DNHD1: variants seen among roughly 807,000 people sequenced by gnomAD.
The protein encoded by DNHD1 is dynein heavy chain domain 1.
Under a neutral mutation model 458.1 loss-of-function variants are expected in DNHD1, and 383 were observed. That is an observed-to-expected ratio of 0.84 (90% CI 0.77 to 0.91). The LOEUF is 0.91. Among genes scored for constraint, DNHD1 ranks in the 40% least tolerant of loss-of-function variants. The pLI, the probability that DNHD1 is intolerant of heterozygous loss-of-function variation, is 0.00. For synonymous variants in DNHD1, 2,203 were observed against 2,376.9 expected (o/e 0.93, Z 2.13); for missense variants, 5,336 against 5,866.1 (o/e 0.91, Z 2.95).
At position 6,563,550 on chromosome 11, in the gene DNHD1, GAGGATTTTTATC is replaced by G; in HGVS notation, c.9842_9852+1del. 2 of 1,551,658 alleles carry G rather than the reference GAGGATTTTTATC, an allele frequency of 1.3e-6. No homozygotes were observed. Among genetic ancestry groups the G allele is most frequent in the Non-Finnish European group, 1.7e-6 (2 of 1,146,986 alleles). On this transcript the variant is annotated inframe_deletion and splice_region_variant, in exon 30 of 43. Transcript: ENST00000254579. ...CAGTGCCAAACAGCTGTTATGCACT[GAGGATTTTTATC>G]AGGTAGGAAGGGTGGAGCACAATGA...
At chr11:6,511,145 A>T in intron 6 of DNHD1, 128 bp from the exon 7 acceptor site, 1 of 1,268,976 alleles carries the variant, frequency 7.9e-7, no homozygotes, top group Non-Finnish European at 1.1e-6. Flanking sequence ...ACTATTGGTC[A>T]CTGTTGGTAA....
Position 6,570,646 on chromosome 11 carries a change from G to C in DNHD1, c.13134G>C (p.Glu4378Asp), listed in dbSNP as rs1853823420. 1 of 1,611,038 alleles carries C rather than the reference G, an allele frequency of 6.2e-7. No individual in the cohort carries two copies. Among genetic ancestry groups the C allele is most frequent in the Non-Finnish European group, 8.5e-7 (1 of 1,178,750 alleles). The change falls in exon 42 of 43, where the codon GAG becomes GAC. Residue 4378 changes from glutamate to aspartate, a missense_variant. Physicochemically the swap from Glu to Asp is conservative, Grantham distance 45 (BLOSUM62 2). Transcript: ENST00000254579. ...PELRELDAMA[E>D]CKAQMHLLPS... is the part of the protein sequence containing the mutation. ...TAAGGGAGCTGGATGCAATGGCAGAGTGCAAGGCCCAGATGCACCTACTGC... is the reference window on the plus strand; with the variant it reads ...TAAGGGAGCTGGATGCAATGGCAGACTGCAAGGCCCAGATGCACCTACTGC...
At chr11:6,506,501 C>T (rs775659251) in intron 4 of DNHD1, among the ~76,000 whole-genome samples, 14 of 152,084 alleles carry the variant, frequency 9.2e-5, no homozygotes, top group Non-Finnish European at 1.9e-4. Context: ...TTCTAGTGCA[C>T]CATCAATAGA....
intron 24 of DNHD1, among the ~76,000 whole-genome samples, chr11:6,553,962 A>AT (rs34067184): frequency 0.44 from 66,355 of 151,358 alleles, 14,611 homozygotes; most frequent in Middle Eastern, 0.46. Context: ...ATCTTAACAG[A>AT]TTTTTTTTTG....
intron 24 of DNHD1, among the ~76,000 whole-genome samples, chr11:6,555,605 C>A (rs530159947): frequency 2.6e-5 from 4 of 152,248 alleles, no homozygotes; most frequent in African/African-American, 9.6e-5. Flanking sequence ...AAAAATACTA[C>A]TCAGGAATAA....
chr11:6,508,839 C>T (rs371864238), intron 4 of DNHD1, 41 bp from the exon 5 acceptor site: 50 of 1,603,240 alleles, frequency 3.1e-5, no homozygotes, highest in South Asian at 1.2e-4. Flanking sequence ...AGTCTGACCA[C>T]GTTCCCAGGG....
chr11:6,541,307 T>G (rs977978544), intron 18 of DNHD1, among the ~76,000 whole-genome samples: 1 of 152,226 alleles, frequency 6.6e-6, no homozygotes, highest in African/African-American at 2.4e-5. Context: ...AAACAGCAAC[T>G]TTCCCCCCAC....
rs531101984 is a variant in DNHD1 at position 6,529,221 on chromosome 11, A to G, written c.2347+100A>G. On this transcript the variant is annotated intron_variant, in intron 12 of 42. Coordinates refer to ENST00000254579, the MANE Select transcript of DNHD1 (RefSeq NM_144666.3). Reference sequence around the variant, plus strand: ...AATGTCCTCCGGAGACCTTCGGTGCAGGCCTCTTATTGGACCTATGAAGCC... The same window carrying G: ...AATGTCCTCCGGAGACCTTCGGTGCGGGCCTCTTATTGGACCTATGAAGCC... 12 of 1,339,922 alleles carry G rather than the reference A, an allele frequency of 9.0e-6. 1 individual carries two copies. The African/African-American group carries it at 1.6e-4, about 18-fold the overall frequency. The allele number at this position is 1,339,922 out of a possible 1,614,324, so 83.0% of individuals were successfully genotyped here.
In DNHD1 at chr11:6,566,908, C is replaced by T. The variant is rs1277600879; in HGVS notation, c.11399C>T (p.Thr3800Met). The change falls in exon 36 of 43, where the codon ACG becomes ATG. Residue 3800 changes from threonine (T) to methionine (M), a missense_variant. By Grantham distance (81) the Thr-to-Met change is moderately conservative. Around this residue, in one of 4 missense-constraint regions of DNHD1, gnomAD observed 695 missense variants for 804.2 expected, o/e 0.86. Transcript: ENST00000254579. Reference protein sequence around the residue: ...AVEAAEERLLTMLLFQNPKRQ... With the variant: ...AVEAAEERLLMMLLFQNPKRQ... ...GAGTGTATGCAGGAGCGGCTGCTGACGATGCTGCTGTTCCAGAATCCGAAG... is the reference window on the plus strand; with the variant it reads ...GAGTGTATGCAGGAGCGGCTGCTGATGATGCTGCTGTTCCAGAATCCGAAG... The T allele has an allele frequency of 1.1e-5, 18 of 1,612,288 alleles. No individual in the cohort carries two copies. Among genetic ancestry groups the T allele is most frequent in the East Asian group, 6.7e-5 (3 of 44,882 alleles).
At chr11:6,570,561 C>G (rs1038843616) in intron 41 of DNHD1, 57 bp from the exon 42 acceptor site, 7 of 1,508,026 alleles carry the variant, frequency 4.6e-6, no homozygotes, top group African/African-American at 1.4e-5. Context: ...CCTACTCTCT[C>G]GAGTCTAGGG....
Position 6,548,128 on chromosome 11 carries a change from G to A in DNHD1, c.6906-82G>A, listed in dbSNP as rs1853262524. On this transcript the variant is annotated intron_variant, in intron 22 of 42. Transcript: ENST00000254579. The surrounding 1 kb of genome is among the most constrained non-coding windows in gnomAD (Gnocchi z 4.4). ...AAAACCCACATGACATCACTGTTAG[G>A]GTATGGTGGAGTGTGTGAGTGTGTC... 2 of 1,544,704 alleles carry A rather than the reference G, an allele frequency of 1.3e-6. No individual in the cohort carries two copies. Among genetic ancestry groups the A allele is most frequent in the Non-Finnish European group, 1.8e-6 (2 of 1,141,002 alleles).
chr11:6,544,488 C>G (rs1853164266), intron 19 of DNHD1, 86 bp from the exon 20 acceptor site: 1 of 1,193,910 alleles, frequency 8.4e-7, no homozygotes, highest in East Asian at 2.5e-5. Context: ...GGTGGGGTAC[C>G]TGAGAGGTCA....
chr11:6,556,607 C>A, intron 24 of DNHD1, 76 bp from the exon 25 acceptor site: 1 of 1,372,966 alleles, frequency 7.3e-7, no homozygotes, highest in South Asian at 1.5e-5. Flanking sequence ...CCGTGTGTGG[C>A]AGGAATAGAG....
Position 6,547,212 on chromosome 11 carries a change from T to C in DNHD1, c.6273T>C (p.Asn2091=). 3 of 1,551,804 alleles carry C rather than the reference T, an allele frequency of 1.9e-6. No individual in the cohort carries two copies. The highest frequency in any genetic ancestry group is 1.7e-6 in the Non-Finnish European group (2 of 1,147,028). Residue 2091 remains asparagine (N), a synonymous_variant, in exon 21 of 43, where the codon AAT becomes AAC. Coordinates refer to ENST00000254579, the MANE Select transcript of DNHD1 (RefSeq NM_144666.3). ...QHWIICDGAS[N]GAWLDSITCL... ...GGATAATATGTGATGGAGCCTCCAA[T>C]GGTGCTTGGCTGGACTCCATCACTT...
chr11:6,520,446 T>C (rs1490497305), intron 10 of DNHD1, 157 bp downstream of exon 10: 8 of 1,471,196 alleles, frequency 5.4e-6, no homozygotes, highest in African/African-American at 4.2e-5. Context: ...ATATGTGTTG[T>C]GGGTAGAAAG....
In DNHD1 at chr11:6,546,999, C is replaced by A; in HGVS notation, c.6060C>A (p.Thr2020=). The change falls in exon 21 of 43, where the codon ACC becomes ACA. Residue 2020 remains threonine, a synonymous_variant. Transcript: ENST00000254579. ...NRLAAMEDTS[T]QGCQPVEITH... ...TGGCAGCCATGGAGGACACCTCAAC[C>A]CAAGGCTGCCAGCCTGTGGAAATTA... 2 of 1,551,570 alleles carry A rather than the reference C, an allele frequency of 1.3e-6. No individual in the cohort carries two copies. Among genetic ancestry groups the A allele is most frequent in the African/African-American group, 1.4e-5 (1 of 73,180 alleles).
chr11:6,523,803 A>G (rs1852652541), intron 10 of DNHD1, among the ~76,000 whole-genome samples: 1 of 152,130 alleles, frequency 6.6e-6, no homozygotes. Context: ...TGTGAGCAAC[A>G]TAGTGAGACC....
chr11:6,532,615 A>C (rs547160576), intron 12 of DNHD1, among the ~76,000 whole-genome samples: 3 of 152,238 alleles, frequency 2.0e-5, no homozygotes, highest in African/African-American at 7.2e-5. Context: ...AATACTCAAC[A>C]CATCCAACTC....
In DNHD1 at chr11:6,509,164, G is replaced by A; in HGVS notation, c.1127G>A (p.Trp376Ter). 6.2e-7 allele frequency: 1 copy of A among 1,614,158 alleles called. No homozygotes were observed. The highest frequency in any genetic ancestry group is 8.5e-7 in the Non-Finnish European group (1 of 1,180,014). ...YCLLRKSFTC[W>*]KKNVRLQGLH... is the part of the protein sequence containing the mutation. ...TATCACTGACCTCTAATTTCTAGTT[G>A]GAAGAAGAATGTGAGATTACAGGGG... Residue 376 changes from tryptophan to a stop codon, truncating the protein, a stop_gained and splice_region_variant, in exon 6 of 43, where the codon TGG becomes TAG. Coordinates refer to ENST00000254579, the MANE Select transcript of DNHD1 (RefSeq NM_144666.3). LOFTEE classifies it high-confidence loss of function.
Sources: allele counts gnomAD v4.1 joint callset (sites outside exome capture counted in the v4.1 genomes callset), GRCh38; gene constraint gnomAD v4.1.1; regional missense constraint gnomAD v4.1.1; non-coding constraint Gnocchi (gnomAD v3.1); transcripts MANE v1.5; gene names NCBI Gene and HGNC (gene_info 2026-07-23, HGNC 2026-07-21).